The following LRRC28 variants were observed in gnomAD, a reference collection of about 807,000 sequenced individuals.
LRRC28 encodes leucine-rich repeat-containing protein 28.
In LRRC28, 39 loss-of-function variants were observed where a neutral mutation model predicts 45.7. The ratio of observed to expected loss-of-function variants is 0.85; its 90% CI spans 0.66 to 1.12. The LOEUF (loss-of-function observed/expected upper bound fraction) is 1.12, where lower values mean the gene tolerates loss of function less well. LRRC28 is among the 50% of genes most tolerant of loss of function. LRRC28 has a pLI of 0.00. For missense variants in LRRC28, 435 were observed against 438.5 expected (o/e 0.99, Z 0.07); for synonymous variants, 206 against 178.8 (o/e 1.15, Z -1.22).
rs1346881018 is a variant in LRRC28, at chr15:99,389,319, T to C, written c.*3217T>C. The C allele has an allele frequency of 1.3e-5, 2 of 152,214 alleles. No homozygotes were observed. Among genetic ancestry groups the C allele is most frequent in the Non-Finnish European group, 2.9e-5 (2 of 68,046 alleles). 9.4% of individuals were successfully genotyped at this position (152,214 alleles called of 1,614,324 possible). A position where few individuals can be genotyped will look rare whatever the true frequency, so the allele number is the denominator to read the frequency against. On this transcript the variant is annotated 3_prime_UTR_variant, in exon 10 of 10. Coordinates refer to ENST00000301981, the MANE Select transcript of LRRC28 (RefSeq NM_144598.5). ...GGGGAAAAAAAGGCTTCAATACCAG[T>C]TGGCTTATGAGGCTCTGCATATAAT...
intron 2 of LRRC28, among the ~76,000 whole-genome samples, chr15:99,269,472 C>T (rs2081417009): frequency 6.6e-6 from 1 of 151,932 alleles, no homozygotes; most frequent in Non-Finnish European, 1.5e-5. Context: ...GGCACGAACT[C>T]AGCTTACTGC....
intron 2 of LRRC28, chr15:99,257,917 A>G (rs187703001): frequency 2.3e-4 from 174 of 769,952 alleles, no homozygotes; most frequent in Non-Finnish European, 3.8e-4. Context: ...TTGTATGAAA[A>G]TAAAGAGATT....
At chr15:99,363,008 A>T in intron 8 of LRRC28, 98 bp from the exon 9 acceptor site, 1 of 1,312,310 alleles carries the variant, frequency 7.6e-7, no homozygotes, top group Non-Finnish European at 1.0e-6. Flanking sequence ...AAGTACTTTT[A>T]AGTAACTGAA....
chr15:99,354,580 T>C (rs1466636539), intron 7 of LRRC28, among the ~76,000 whole-genome samples: 2 of 152,144 alleles, frequency 1.3e-5, no homozygotes, highest in African/African-American at 4.8e-5. Flanking sequence ...AGTTGTTCCT[T>C]CAGTGAACAT....
chr15:99,324,600 G>C (rs1306120308), intron 5 of LRRC28, among the ~76,000 whole-genome samples: 1 of 151,996 alleles, frequency 6.6e-6, no homozygotes, highest in Non-Finnish European at 1.5e-5. Context: ...GACTTACTGT[G>C]TTTTTCTTTT....
intron 3 of LRRC28, among the ~76,000 whole-genome samples, chr15:99,277,587 A>T (rs1396755258): frequency 2.0e-5 from 3 of 152,208 alleles, no homozygotes; most frequent in African/African-American, 7.2e-5. Flanking sequence ...TTTCAAAAAT[A>T]ATGTATTTTA....
At chr15:99,356,234 A>G (rs1183584800) in intron 7 of LRRC28, among the ~76,000 whole-genome samples, 2 of 152,206 alleles carry the variant, frequency 1.3e-5, no homozygotes, top group Non-Finnish European at 2.9e-5. Flanking sequence ...ATTCTCAAGA[A>G]GAAAGATGAC....
intron 2 of LRRC28, among the ~76,000 whole-genome samples, chr15:99,267,060 T>C (rs184157408): frequency 1.3e-5 from 2 of 152,342 alleles, no homozygotes; most frequent in East Asian, 3.9e-4. Flanking sequence ...AAATATTTAT[T>C]TTTATAATTT....
intron 2 of LRRC28, among the ~76,000 whole-genome samples, chr15:99,269,774 T>C (rs1178347388): frequency 2.6e-5 from 4 of 152,204 alleles, no homozygotes; most frequent in Non-Finnish European, 5.9e-5. Context: ...TTTTAAGTGC[T>C]TCATAGCCAC....
chr15:99,288,526 C>T lies in LRRC28; in HGVS notation c.385+575C>T, dbSNP rs150409646. On this transcript the variant is annotated intron_variant, in intron 5 of 9. Coordinates refer to ENST00000301981, the MANE Select transcript of LRRC28 (RefSeq NM_144598.5). The stretch of plus-strand genomic sequence containing the variant: ...CCTCCTGAGTAGCTGAGATTACAGG[C>T]GCGTGCCACCACACCCAGCTAATTT... Among the ~76,000 whole-genome samples, 308 of 151,836 alleles carry T rather than the reference C, an allele frequency of 2.0e-3. 2 individuals carry two copies. The highest frequency in any genetic ancestry group is 6.5e-3 in the African/African-American group (271 of 41,390).
At chr15:99,281,298 C>T (rs1222520459) in intron 3 of LRRC28, among the ~76,000 whole-genome samples, 1 of 152,086 alleles carries the variant, frequency 6.6e-6, no homozygotes, top group South Asian at 2.1e-4. Flanking sequence ...AGGAGTTACA[C>T]TGGAGTGTTG....
intron 2 of LRRC28, chr15:99,256,475 G>T (rs538722385): frequency 6.2e-6 from 1 of 160,176 alleles, no homozygotes; most frequent in South Asian, 2.0e-4. Flanking sequence ...GAATATTACA[G>T]CATTCACCAG....
At chr15:99,306,926 C>G (rs1200829747) in intron 5 of LRRC28, among the ~76,000 whole-genome samples, 1 of 152,182 alleles carries the variant, frequency 6.6e-6, no homozygotes, top group Non-Finnish European at 1.5e-5. Context: ...TGGTCCTTTT[C>G]GGGTCCATTG....
chr15:99,361,297 T>G, intron 7 of LRRC28, 39 bp from the exon 8 acceptor site: 1 of 1,569,258 alleles, frequency 6.4e-7, no homozygotes, highest in South Asian at 1.2e-5. Flanking sequence ...ATTCTTTTCC[T>G]TATTGCTAAT....
intron 5 of LRRC28, among the ~76,000 whole-genome samples, chr15:99,294,869 G>A (rs560003255): frequency 6.6e-6 from 1 of 152,276 alleles, no homozygotes; most frequent in East Asian, 1.9e-4. Flanking sequence ...TCTTTCAGGT[G>A]CTTCACTTGC....
chr15:99,260,852 T>A (rs544464432), intron 2 of LRRC28, among the ~76,000 whole-genome samples: 1 of 152,236 alleles, frequency 6.6e-6, no homozygotes, highest in African/African-American at 2.4e-5. Context: ...CTTTTACTTA[T>A]GGATTTTAAA....
Position 99,255,974 on chromosome 15 carries a change from G to GT in LRRC28, c.18dup (p.Lys7Ter). On this transcript the variant is annotated frameshift_variant, in exon 2 of 10. Coordinates refer to ENST00000301981, the MANE Select transcript of LRRC28 (RefSeq NM_144598.5). LOFTEE classifies it high-confidence loss of function. ...TATTCAGTCATGGCGTCCGAACTTT[G>GT]TAAGACGATCTCTGTGGCAAGGCTA... The GT allele has an allele frequency of 6.2e-7, 1 of 1,612,392 alleles. No homozygotes were observed. The highest frequency in any genetic ancestry group is 8.5e-7 in the Non-Finnish European group (1 of 1,179,906).
At chr15:99,376,867 C>T (rs1021977067) in intron 9 of LRRC28, among the ~76,000 whole-genome samples, 2 of 152,202 alleles carry the variant, frequency 1.3e-5, no homozygotes, top group Non-Finnish European at 2.9e-5. Flanking sequence ...CTACAAAGGA[C>T]ATGAACTCAT....
chr15:99,259,745 T>G, intron 2 of LRRC28: 1 of 1,409,560 alleles, frequency 7.1e-7, no homozygotes. Flanking sequence ...TAAAACAGTT[T>G]TGGATCTTGC....
Sources: gnomAD v4.1 joint callset for allele counts (sites outside exome capture counted in the v4.1 genomes callset) on GRCh38, gnomAD v4.1.1 for gene constraint, MANE v1.5 for transcripts, NCBI Gene and HGNC (gene_info 2026-07-23, HGNC 2026-07-21) for gene names.